The following CCDC122 variants were observed in gnomAD, a reference collection of about 807,000 sequenced individuals.
CCDC122 encodes the protein coiled-coil domain-containing protein 122.
CCDC122 carries 38 observed loss-of-function variants against 37.0 expected under a neutral mutation model. That is an observed-to-expected ratio of 1.03 (90% CI 0.79 to 1.35). CCDC122 has a LOEUF of 1.35. CCDC122 is among the 40% of genes most tolerant of loss of function. The probability of loss-of-function intolerance (pLI) is 0.00; values close to 1 mark genes in which losing one functional copy is unlikely to be tolerated. For missense variants in CCDC122, 305 were observed against 310.0 expected, an observed-to-expected ratio of 0.98 and a Z score of 0.12; for synonymous variants, 83 against 95.6, an observed-to-expected ratio of 0.87 and a Z score of 0.77.
chr13:43,861,041 A>T (rs909048373), intron 4 of CCDC122, among the ~76,000 whole-genome samples: 1 of 152,228 alleles, frequency 6.6e-6, no homozygotes, highest in Non-Finnish European at 1.5e-5. Flanking sequence ...GCCTGGGAGA[A>T]GCAAGGGTTG....
At chr13:43,865,759 A>T (rs1954255463) in intron 4 of CCDC122, among the ~76,000 whole-genome samples, 1 of 152,108 alleles carries the variant, frequency 6.6e-6, no homozygotes, top group Non-Finnish European at 1.5e-5. Flanking sequence ...CACCACGCCC[A>T]GCCAGGAATT....
chr13:43,870,309 T>A (rs181895753), intron 2 of CCDC122, among the ~76,000 whole-genome samples: 228 of 152,242 alleles, frequency 1.5e-3, no homozygotes, highest in Middle Eastern at 0.014. Flanking sequence ...CTTCATGAAG[T>A]CTTCCCTGAT....
Position 43,859,355 on chromosome 13 carries a change from A to C in CCDC122, c.555+317T>G, listed in dbSNP as rs1954029819. Among the ~76,000 whole-genome samples the C allele has an allele frequency of 1.3e-5, 2 of 152,134 alleles. 1 individual carries two copies. Among genetic ancestry groups the C allele is most frequent in the Admixed American group, 1.3e-4 (2 of 15,278 alleles). On this transcript the variant is annotated intron_variant, in intron 5 of 6. Coordinates refer to ENST00000444614, the MANE Select transcript of CCDC122 (RefSeq NM_144974.5). ...GTCTGGATCCATTGGCATAGAAGCT[A>C]AGTCTTTAACATTTTTGTGAATTAC...
intron 3 of CCDC122, among the ~76,000 whole-genome samples, chr13:43,831,343 C>T (rs1953087482): frequency 2.0e-5 from 3 of 151,994 alleles, no homozygotes; most frequent in Non-Finnish European, 4.4e-5. Flanking sequence ...AATACTAGGT[C>T]GCTGAAGACA....
At position 43,837,152 on chromosome 13, in the gene CCDC122, G is replaced by A; in HGVS notation, c.*128C>T. ...TGATTTAAAAAAAACAACAACCGAA[G>A]ACATCTGTCATTAAGACAGGTCTCT... On this transcript the variant is annotated 3_prime_UTR_variant, in exon 7 of 7. Transcript: ENST00000444614. 2.3e-6 allele frequency: 2 copies of A among 878,490 alleles called. No individual in the cohort carries two copies. The highest frequency in any genetic ancestry group is 3.4e-6 in the Non-Finnish European group (2 of 583,088). 54.4% of individuals were successfully genotyped at this position (878,490 alleles called of 1,614,324 possible). A position where few individuals can be genotyped will look rare whatever the true frequency, so the allele number is the denominator to read the frequency against.
downstream of CCDC122, among the ~76,000 whole-genome samples, chr13:43,821,449 C>A (rs1223806621): frequency 2.0e-5 from 3 of 152,172 alleles, no homozygotes; most frequent in Non-Finnish European, 2.9e-5. Flanking sequence ...GTCTTGAACT[C>A]CTGACCTCAA....
chr13:43,874,119 A>G (rs961348376), intron 2 of CCDC122, among the ~76,000 whole-genome samples: 7 of 152,206 alleles, frequency 4.6e-5, no homozygotes, highest in Admixed American at 2.0e-4. Flanking sequence ...CAGTATTTCT[A>G]TTATACCATT....
chr13:43,833,046 C>T (rs191802590), downstream of CCDC122, among the ~76,000 whole-genome samples: 563 of 152,130 alleles, frequency 3.7e-3, 3 homozygotes, highest in African/African-American at 0.012. Context: ...ATATATAGAC[C>T]ATTTATATTG....
chr13:43,862,953 T>C (rs1954159076), intron 4 of CCDC122, among the ~76,000 whole-genome samples: 1 of 152,134 alleles, frequency 6.6e-6, no homozygotes, highest in Non-Finnish European at 1.5e-5. Flanking sequence ...TTTAATCTCC[T>C]CTGCCTCTTT....
chr13:43,828,555 TACACACACACACACACACACACACAC>T (rs56901535), intron 3 of CCDC122, among the ~76,000 whole-genome samples: 1 of 146,134 alleles, frequency 6.8e-6, no homozygotes, highest in Non-Finnish European at 1.5e-5. Context: ...TATAGACAGA[TACACACACACACACACACACACACAC>T]ACACACACAC....
intron 3 of CCDC122, 139 bp from the exon 4 acceptor site, chr13:43,868,942 C>T (rs914832206): frequency 1.1e-5 from 6 of 535,452 alleles, no homozygotes; most frequent in African/African-American, 2.0e-5. Context: ...AGTAATTTTC[C>T]CTTGCTGATA....
chr13:43,831,477 G>C (rs1354140784), downstream of CCDC122, among the ~76,000 whole-genome samples: 2 of 152,164 alleles, frequency 1.3e-5, no homozygotes, highest in African/African-American at 4.8e-5. Flanking sequence ...TCCAATACAA[G>C]CATTGGGATT....
chr13:43,875,138 T>C (rs1954569396), intron 1 of CCDC122, among the ~76,000 whole-genome samples: 1 of 152,192 alleles, frequency 6.6e-6, no homozygotes, highest in Non-Finnish European at 1.5e-5. Context: ...AAATCCAAGC[T>C]TTAAAGGATG....
chr13:43,837,916 A>G (rs1953219004), intron 6 of CCDC122, among the ~76,000 whole-genome samples: 1 of 152,200 alleles, frequency 6.6e-6, no homozygotes, highest in Non-Finnish European at 1.5e-5. Context: ...AAGCCTAACT[A>G]GGAGTATATT....
chr13:43,840,663 T>A (rs1953321145), intron 6 of CCDC122, among the ~76,000 whole-genome samples: 1 of 152,048 alleles, frequency 6.6e-6, no homozygotes, highest in South Asian at 2.1e-4. Flanking sequence ...AACAGTTTGC[T>A]GAGAATGATG....
chr13:43,867,358 C>T (rs1026030875), intron 4 of CCDC122, among the ~76,000 whole-genome samples: 1 of 152,000 alleles, frequency 6.6e-6, no homozygotes, highest in Non-Finnish European at 1.5e-5. Flanking sequence ...CTATTTCAGG[C>T]CTCTGCAAAT....
At chr13:43,846,415 T>C (rs1953537503) in intron 6 of CCDC122, among the ~76,000 whole-genome samples, 1 of 152,192 alleles carries the variant, frequency 6.6e-6, no homozygotes, top group Non-Finnish European at 1.5e-5. Flanking sequence ...GTTTTATTAC[T>C]AACCATTGTG....
In CCDC122 at chr13:43,879,647, G is replaced by A. The variant is rs3816311; in HGVS notation, c.-216C>T. 0.5 allele frequency: 75,793 copies of A among 152,468 alleles called. 19,225 individuals carry two copies. The highest frequency in any genetic ancestry group is 0.6 in the Middle Eastern group (176 of 294). 9.4% of individuals were successfully genotyped at this position (152,468 alleles called of 1,614,324 possible). On this transcript the variant is annotated 5_prime_UTR_variant, in exon 1 of 7. Coordinates refer to ENST00000444614, the MANE Select transcript of CCDC122 (RefSeq NM_144974.5). ...CTGGCCTACCTCCCTCCCGCCTCCC[G>A]GCAGCTGGCACGAGGGAACCTGGCC...
At chr13:43,843,962 T>C (rs187570168) in intron 6 of CCDC122, among the ~76,000 whole-genome samples, 2 of 151,998 alleles carry the variant, frequency 1.3e-5, no homozygotes, top group Admixed American at 1.3e-4. Context: ...TCAGTATTGC[T>C]ATGGGTTTCT....
Sources: allele counts gnomAD v4.1 joint callset (sites outside exome capture counted in the v4.1 genomes callset), GRCh38; gene constraint gnomAD v4.1.1; transcripts MANE v1.5; gene names NCBI Gene and HGNC (gene_info 2026-07-23, HGNC 2026-07-21).